Variants in SGCZ observed in about 807,000 individuals in gnomAD.
SGCZ encodes the protein sarcoglycan zeta, also known as zeta-sarcoglycan.
SGCZ carries 40 observed loss-of-function variants against 41.3 expected under a neutral mutation model. That is an observed-to-expected ratio of 0.97 (90% CI 0.75 to 1.26). SGCZ has a LOEUF of 1.26. Ranked by LOEUF, SGCZ falls within the 50% of genes most tolerant of loss-of-function variation. The probability of loss-of-function intolerance (pLI) is 0.00; values close to 1 mark genes in which losing one functional copy is unlikely to be tolerated. For synonymous variants in SGCZ, 206 were observed against 137.5 expected (o/e 1.50, Z -3.49); for missense variants, 552 against 369.8 (o/e 1.49, Z -4.04).
chr8:15,033,036 G>A, intron 1 of SGCZ, among the ~76,000 whole-genome samples: 1 of 152,070 alleles, frequency 6.6e-6, no homozygotes, highest in East Asian at 1.9e-4. Flanking sequence ...ACAAGCTCCA[G>A]GCCTGCCCAA....
At chr8:14,371,610 T>A (rs1803911415) in intron 2 of SGCZ, among the ~76,000 whole-genome samples, 1 of 152,092 alleles carries the variant, frequency 6.6e-6, no homozygotes, top group South Asian at 2.1e-4. Flanking sequence ...AAAGAAAGAA[T>A]TCCTCTGAGA....
intron 1 of SGCZ, among the ~76,000 whole-genome samples, chr8:14,991,048 A>G (rs1801998198): frequency 6.6e-6 from 1 of 152,202 alleles, no homozygotes; most frequent in Non-Finnish European, 1.5e-5. Context: ...TATTAAAAAT[A>G]CTGATCATTA....
intron 1 of SGCZ, among the ~76,000 whole-genome samples, chr8:14,702,952 G>GATAA (rs1461785534): frequency 7.2e-6 from 1 of 137,936 alleles, no homozygotes; most frequent in African/African-American, 2.7e-5. Context: ...TAGATAGATA[G>GATAA]ATAGATAGAT....
At chr8:14,415,931 C>T (rs1025648425) in intron 2 of SGCZ, among the ~76,000 whole-genome samples, 16 of 151,976 alleles carry the variant, frequency 1.1e-4, no homozygotes, top group African/African-American at 3.9e-4. Flanking sequence ...ATAAGAAAAC[C>T]TAATTATTAT....
At chr8:14,687,322 C>G (rs1408329303) in intron 1 of SGCZ, among the ~76,000 whole-genome samples, 4 of 137,456 alleles carry the variant, frequency 2.9e-5, no homozygotes, top group African/African-American at 6.4e-5. Context: ...TTAGGTATAT[C>G]TCCTAAAGCT....
intron 2 of SGCZ, 42 bp from the exon 3 acceptor site, chr8:14,324,246 G>T: frequency 7.1e-7 from 1 of 1,410,840 alleles, no homozygotes; most frequent in South Asian, 1.2e-5. Flanking sequence ...GTTAATTGGA[G>T]AATGAATATC....
At chr8:14,525,049 A>T (rs1444538223) in intron 2 of SGCZ, among the ~76,000 whole-genome samples, 1 of 152,096 alleles carries the variant, frequency 6.6e-6, no homozygotes, top group African/African-American at 2.4e-5. Flanking sequence ...TGATAGGTAG[A>T]GAGATAGATG....
chr8:14,183,920 T>TA (rs1407332169), intron 4 of SGCZ, among the ~76,000 whole-genome samples: 8 of 152,012 alleles, frequency 5.3e-5, no homozygotes, highest in Admixed American at 1.3e-4. Context: ...ACTCTCTATG[T>TA]AAAAAAATTC....
intron 1 of SGCZ, among the ~76,000 whole-genome samples, chr8:14,699,687 G>A (rs1235730076): frequency 6.6e-6 from 1 of 151,858 alleles, no homozygotes; most frequent in Non-Finnish European, 1.5e-5. Flanking sequence ...ACAACCTACA[G>A]AATGGGAATA....
At chr8:14,772,180 G>C (rs1800262742) in intron 1 of SGCZ, among the ~76,000 whole-genome samples, 1 of 152,148 alleles carries the variant, frequency 6.6e-6, no homozygotes, top group South Asian at 2.1e-4. Flanking sequence ...GCTAATGTAA[G>C]TGTTCGGAAC....
At chr8:14,388,699 T>C (rs565369740) in intron 2 of SGCZ, among the ~76,000 whole-genome samples, 2 of 151,994 alleles carry the variant, frequency 1.3e-5, no homozygotes, top group African/African-American at 4.8e-5. Flanking sequence ...TGGCAAATCC[T>C]TGAAGATGAA....
intron 1 of SGCZ, among the ~76,000 whole-genome samples, chr8:14,772,261 C>T (rs1462381943): frequency 6.6e-6 from 1 of 152,044 alleles, no homozygotes; most frequent in Non-Finnish European, 1.5e-5. Context: ...TGCATTTAAA[C>T]TTAGTATATT....
intron 1 of SGCZ, among the ~76,000 whole-genome samples, chr8:14,673,073 C>A (rs930059067): frequency 6.6e-6 from 1 of 152,196 alleles, no homozygotes; most frequent in Non-Finnish European, 1.5e-5. Flanking sequence ...AGATTACCCA[C>A]CTCAAATGTC....
intron 1 of SGCZ, among the ~76,000 whole-genome samples, chr8:14,842,137 C>A (rs1014992422): frequency 2.0e-5 from 3 of 152,066 alleles, no homozygotes; most frequent in Non-Finnish European, 4.4e-5. Context: ...GAAACTTTAG[C>A]CAGAACACAC....
intron 3 of SGCZ, among the ~76,000 whole-genome samples, chr8:14,248,792 G>T (rs1391385632): frequency 3.3e-5 from 5 of 151,524 alleles, no homozygotes; most frequent in Non-Finnish European, 7.4e-5. Flanking sequence ...ATTATGAGGG[G>T]TTTTAAATAT....
At chr8:14,234,814 A>T (rs1003100849) in intron 4 of SGCZ, among the ~76,000 whole-genome samples, 6 of 152,136 alleles carry the variant, frequency 3.9e-5, no homozygotes, top group African/African-American at 1.4e-4. Flanking sequence ...CATAAAGGTA[A>T]ATTTATTCTT....
At chr8:14,129,086 C>T (rs1264540596) in intron 5 of SGCZ, among the ~76,000 whole-genome samples, 1 of 152,020 alleles carries the variant, frequency 6.6e-6, no homozygotes. Context: ...GTGGCTCATG[C>T]CTGTAATCCC....
At chr8:14,628,277 T>G (rs899281024) in intron 1 of SGCZ, among the ~76,000 whole-genome samples, 1 of 152,034 alleles carries the variant, frequency 6.6e-6, no homozygotes, top group Non-Finnish European at 1.5e-5. Context: ...ATTGTATACA[T>G]CTCTTAAAAT....
chr8:14,409,696 G>A (rs1043218020), intron 2 of SGCZ, among the ~76,000 whole-genome samples: 3 of 152,042 alleles, frequency 2.0e-5, no homozygotes, highest in South Asian at 2.1e-4. Flanking sequence ...GTGAAATAAC[G>A]TTTACTTGTT....
Sources: allele counts gnomAD v4.1 joint callset (sites outside exome capture counted in the v4.1 genomes callset), GRCh38; gene constraint gnomAD v4.1.1; transcripts MANE v1.5; gene names NCBI Gene and HGNC (gene_info 2026-07-23, HGNC 2026-07-21).